RANBP2: variants seen among roughly 807,000 people sequenced by gnomAD.
The protein encoded by RANBP2 is E3 SUMO-protein ligase RanBP2.
In RANBP2, 57 loss-of-function variants were observed where a neutral mutation model predicts 303.6. The observed-to-expected ratio is 0.19, with a 90% CI of 0.15 to 0.23. RANBP2 has a LOEUF of 0.23. Among genes scored for constraint, RANBP2 ranks in the 10% least tolerant of loss-of-function variants. The pLI, the probability that RANBP2 is intolerant of heterozygous loss-of-function variation, is 1.00. For missense variants in RANBP2, 3,138 were observed against 3,780.8 expected (o/e 0.83, Z 4.46); for synonymous variants, 1,167 against 1,301.5 (o/e 0.90, Z 2.23).
chr2:108,728,596 A>G (rs1439025224), intron 1 of RANBP2, among the ~76,000 whole-genome samples: 2 of 3,636 alleles, frequency 5.5e-4, no homozygotes, highest in Non-Finnish European at 0.01. Flanking sequence ...CAGCTTATTT[A>G]TGATGATGAT....
chr2:108,956,326 G>T, the RANBP2 span, among the ~76,000 whole-genome samples: 1 of 152,216 alleles, frequency 6.6e-6, no homozygotes, highest in African/African-American at 2.4e-5. Context: ...GCATGAGAGT[G>T]TTATGATGCC....
At chr2:109,019,786 C>T in the RANBP2 span, among the ~76,000 whole-genome samples, 13 of 152,312 alleles carry the variant, frequency 8.5e-5, no homozygotes, top group East Asian at 2.1e-3. Flanking sequence ...AAATGAAATG[C>T]CTTTGGCTTC....
the RANBP2 span, chr2:108,839,219 T>C: frequency 6.2e-7 from 1 of 1,612,412 alleles, no homozygotes; most frequent in South Asian, 1.1e-5. Flanking sequence ...CTACAGTGGA[T>C]GCCATTTGTG....
the RANBP2 span, among the ~76,000 whole-genome samples, chr2:109,108,723 A>G: frequency 6.6e-6 from 1 of 152,268 alleles, no homozygotes; most frequent in African/African-American, 2.4e-5. Context: ...AACAGAGCAC[A>G]TAGGGCGAGA....
the RANBP2 span, among the ~76,000 whole-genome samples, chr2:108,809,987 G>T: frequency 2.6e-5 from 4 of 152,074 alleles, no homozygotes; most frequent in Admixed American, 1.3e-4. Flanking sequence ...TGTACTTTTA[G>T]TAGAGACGGG....
At chr2:109,262,541 A>G in the RANBP2 span, among the ~76,000 whole-genome samples, 43,203 of 152,108 alleles carry the variant, frequency 0.28, 7,813 homozygotes, top group Non-Finnish European at 0.4. Flanking sequence ...TCATCCTTCA[A>G]AGGTTTTCTT....
At chr2:109,652,970 C>G in the RANBP2 span, among the ~76,000 whole-genome samples, 1 of 152,110 alleles carries the variant, frequency 6.6e-6, no homozygotes, top group Admixed American at 6.5e-5. Flanking sequence ...TATGAGCTAG[C>G]AAAGTCCTGG....
chr2:109,319,258 G>A, the RANBP2 span, among the ~76,000 whole-genome samples: 12 of 152,196 alleles, frequency 7.9e-5, no homozygotes, highest in African/African-American at 2.9e-4. Flanking sequence ...GCATTTTTTG[G>A]AGTTGAGAAA....
chr2:109,408,640 C>T, the RANBP2 span, among the ~76,000 whole-genome samples: 1 of 152,208 alleles, frequency 6.6e-6, no homozygotes, highest in African/African-American at 2.4e-5. Flanking sequence ...GGCAATGCCC[C>T]GCACTGGCAC....
the RANBP2 span, among the ~76,000 whole-genome samples, chr2:109,210,027 C>T: frequency 6.6e-6 from 1 of 152,222 alleles, no homozygotes; most frequent in Non-Finnish European, 1.5e-5. Flanking sequence ...CTGTGAATGA[C>T]TATTCTAGGG....
At chr2:109,690,479 C>T in the RANBP2 span, among the ~76,000 whole-genome samples, 3 of 152,194 alleles carry the variant, frequency 2.0e-5, no homozygotes, top group Admixed American at 6.5e-5. Flanking sequence ...CAGGTTTGCC[C>T]TAAGCAGTTC....
the RANBP2 span, chr2:109,502,871 C>T: frequency 6.6e-6 from 1 of 152,166 alleles, no homozygotes; most frequent in African/African-American, 2.4e-5. Context: ...AGATCACCAC[C>T]ACCATTTTTC....
chr2:109,565,892 C>T, the RANBP2 span: 16 of 1,528,940 alleles, frequency 1.0e-5, no homozygotes, highest in African/African-American at 1.6e-4. Context: ...TCTTCTCATA[C>T]CACTGTGATA....
chr2:109,209,043 C>T, the RANBP2 span, among the ~76,000 whole-genome samples: 1 of 152,206 alleles, frequency 6.6e-6, no homozygotes, highest in Non-Finnish European at 1.5e-5. Context: ...GGCCCCAGCA[C>T]CTGTAGACCC....
At chr2:109,284,822 T>TGG in the RANBP2 span, among the ~76,000 whole-genome samples, 3 of 152,026 alleles carry the variant, frequency 2.0e-5, no homozygotes, top group Non-Finnish European at 4.4e-5. Context: ...GACATGTGTG[T>TGG]GGGGTGTGTG....
the RANBP2 span, among the ~76,000 whole-genome samples, chr2:108,954,951 T>C: frequency 1.3e-5 from 2 of 152,190 alleles, no homozygotes; most frequent in Non-Finnish European, 2.9e-5. Context: ...CCCAAAGTGC[T>C]GGGATTACAT....
the RANBP2 span, chr2:109,129,472 C>A: frequency 6.7e-7 from 1 of 1,495,182 alleles, no homozygotes; most frequent in Admixed American, 2.1e-5. Flanking sequence ...ATGCTGGCTG[C>A]CGGTGGCGGG....
chr2:109,480,857 G>GAC, the RANBP2 span, among the ~76,000 whole-genome samples: 1 of 152,158 alleles, frequency 6.6e-6, no homozygotes, highest in African/African-American at 2.4e-5. Context: ...CTCTAGCTTG[G>GAC]AGCTTGGGGC....
chr2:109,029,369 A>T, the RANBP2 span, among the ~76,000 whole-genome samples: 1 of 152,160 alleles, frequency 6.6e-6, no homozygotes, highest in Non-Finnish European at 1.5e-5. Context: ...ATGAGGGACC[A>T]TGTGTAAATG....
Sources: allele counts gnomAD v4.1 joint callset (sites outside exome capture counted in the v4.1 genomes callset), GRCh38; gene constraint gnomAD v4.1.1; transcripts MANE v1.5; gene names NCBI Gene and HGNC (gene_info 2026-07-23, HGNC 2026-07-21).